Variants in PDE3A observed in about 807,000 individuals in gnomAD.
PDE3A encodes phosphodiesterase 3A, also known as cGMP-inhibited 3',5'-cyclic phosphodiesterase 3A.
PDE3A carries 43 observed loss-of-function variants against 98.3 expected under a neutral mutation model. The ratio of observed to expected loss-of-function variants is 0.44; its 90% CI spans 0.34 to 0.56. The LOEUF (loss-of-function observed/expected upper bound fraction) is 0.56. Ranked by LOEUF, PDE3A falls within the 20% of genes least tolerant of loss-of-function variation. The probability of loss-of-function intolerance (pLI) is 0.01; values close to 1 mark genes in which losing one functional copy is unlikely to be tolerated. For synonymous variants in PDE3A, 663 were observed against 567.9 expected (o/e 1.17, Z -2.38); for missense variants, 1,427 against 1,440.7 (o/e 0.99, Z 0.15).
chr12:20,449,991 A>G (rs1945035963), intron 1 of PDE3A: 2 of 709,904 alleles, frequency 2.8e-6, no homozygotes, highest in Admixed American at 2.0e-5. Flanking sequence ...GCCCTTGCCA[A>G]GTCAATAAAT....
chr12:20,576,477 C>G lies in PDE3A; in HGVS notation c.1011+19767C>G, dbSNP rs1942934666. Among the ~76,000 whole-genome samples, 3 of 152,000 alleles carry G rather than the reference C, an allele frequency of 2.0e-5. No individual in the cohort carries two copies. The East Asian group carries it at 5.8e-4, about 29-fold the overall frequency. On this transcript the variant is annotated intron_variant, in intron 2 of 15. Coordinates refer to ENST00000359062, the MANE Select transcript of PDE3A (RefSeq NM_000921.5). ...TGAACATCCTGAAATAAAGACAGTA[C>G]TATATACAACTAATTAAAAACAGAG...
chr12:20,618,983 G>A (rs1185231434), intron 4 of PDE3A, among the ~76,000 whole-genome samples: 1 of 151,988 alleles, frequency 6.6e-6, no homozygotes, highest in Non-Finnish European at 1.5e-5. Flanking sequence ...CCTCTGCTGT[G>A]CCAGCATGAG....
chr12:20,491,151 A>T (rs889771647), intron 1 of PDE3A, among the ~76,000 whole-genome samples: 1 of 152,226 alleles, frequency 6.6e-6, no homozygotes, highest in East Asian at 1.9e-4. Flanking sequence ...TGTTACCAAC[A>T]AAGCAATTTC....
At chr12:20,574,671 C>T (rs1475380691) in intron 2 of PDE3A, among the ~76,000 whole-genome samples, 1 of 151,978 alleles carries the variant, frequency 6.6e-6, no homozygotes, top group Non-Finnish European at 1.5e-5. Context: ...TACAAGTATG[C>T]TCAGCATGAT....
intron 1 of PDE3A, among the ~76,000 whole-genome samples, chr12:20,444,916 T>C (rs765930595): frequency 6.6e-6 from 1 of 152,210 alleles, no homozygotes; most frequent in African/African-American, 2.4e-5. Flanking sequence ...AATCAGTTTG[T>C]GTTCCATTAA....
At chr12:20,568,533 G>A (rs917356477) in intron 2 of PDE3A, among the ~76,000 whole-genome samples, 1 of 151,900 alleles carries the variant, frequency 6.6e-6, no homozygotes, top group Non-Finnish European at 1.5e-5. Flanking sequence ...ATAGCTAGAA[G>A]CATAGGAGAG....
At chr12:20,443,278 A>G (rs969135766) in intron 1 of PDE3A, among the ~76,000 whole-genome samples, 2 of 152,140 alleles carry the variant, frequency 1.3e-5, no homozygotes, top group African/African-American at 4.8e-5. Flanking sequence ...TGTCCTATCT[A>G]TGGATATTGA....
chr12:20,371,374 T>G (rs527862962), intron 1 of PDE3A: 1 of 985,178 alleles, frequency 1.0e-6, no homozygotes, highest in African/African-American at 1.7e-5. Context: ...AGGAGCTGGT[T>G]GGATACAGCA....
At chr12:20,673,235 C>T (rs916908046) in intron 15 of PDE3A, among the ~76,000 whole-genome samples, 2 of 151,948 alleles carry the variant, frequency 1.3e-5, no homozygotes, top group African/African-American at 4.8e-5. Context: ...AATAGGAACA[C>T]TTTTACACTG....
intron 10 of PDE3A, 83 bp from the exon 11 acceptor site, chr12:20,646,407 A>G (rs1944777952): frequency 7.7e-6 from 6 of 779,986 alleles, no homozygotes; most frequent in Admixed American, 1.9e-5. Flanking sequence ...TTAGGACTAA[A>G]CTGTTTGTCC....
chr12:20,523,216 G>A (rs1946461302), intron 1 of PDE3A, among the ~76,000 whole-genome samples: 1 of 152,138 alleles, frequency 6.6e-6, no homozygotes, highest in Non-Finnish European at 1.5e-5. Flanking sequence ...CCATGTTTCT[G>A]TTTCGGAGTC....
At chr12:20,488,557 A>T (rs1177693580) in intron 1 of PDE3A, among the ~76,000 whole-genome samples, 1 of 152,118 alleles carries the variant, frequency 6.6e-6, no homozygotes, top group African/African-American at 2.4e-5. Context: ...CAGCTGGTGC[A>T]ATGGCTTACA....
At chr12:20,560,531 G>A (rs1413248787) in intron 2 of PDE3A, among the ~76,000 whole-genome samples, 1 of 152,182 alleles carries the variant, frequency 6.6e-6, no homozygotes. Context: ...GTGGAAAGAA[G>A]AATATAGAAG....
At chr12:20,650,418 C>T (rs1555106434) in intron 13 of PDE3A, 27 bp from the exon 14 acceptor site, 2 of 1,525,378 alleles carry the variant, frequency 1.3e-6, no homozygotes, top group Admixed American at 1.9e-5. Flanking sequence ...CAAAGCAAAA[C>T]ATATATTAAC....
chr12:20,489,414 CAG>C (rs1945790792), intron 1 of PDE3A, among the ~76,000 whole-genome samples: 1 of 152,082 alleles, frequency 6.6e-6, no homozygotes, highest in South Asian at 2.1e-4. Context: ...TTCTTTATGC[CAG>C]AGTCTTATTA....
At position 20,397,426 on chromosome 12, in the gene PDE3A, G is replaced by T. The variant is rs527294254; in HGVS notation, c.960+27182G>T. ...TTTGAGCCCTTTTGGTACCTATAAA[G>T]ATACATATAAAGAATTATACTTATG... On this transcript the variant is annotated intron_variant, in intron 1 of 15. Coordinates refer to ENST00000359062, the MANE Select transcript of PDE3A (RefSeq NM_000921.5). Among the ~76,000 whole-genome samples, 11 of 152,010 alleles carry T rather than the reference G, an allele frequency of 7.2e-5. No individual in the cohort carries two copies. The East Asian group carries it at 1.7e-3, about 24-fold the overall frequency.
In PDE3A at chr12:20,645,018, A is replaced by G. The variant is rs568096030; in HGVS notation, c.2252-1472A>G. On this transcript the variant is annotated intron_variant, in intron 10 of 15. Coordinates refer to ENST00000359062, the MANE Select transcript of PDE3A (RefSeq NM_000921.5). ...ATTCTCCTGCCTCAGCCTCCCGAGT[A>G]GCTGGGATTACAGGTGCCCACCACC... Among the ~76,000 whole-genome samples, 377 of 151,698 alleles carry G rather than the reference A, an allele frequency of 2.5e-3. 3 individuals are homozygous for G. Among genetic ancestry groups the G allele is most frequent in the African/African-American group, 8.7e-3 (359 of 41,346 alleles).
intron 14 of PDE3A, among the ~76,000 whole-genome samples, chr12:20,652,102 C>T (rs1182420546): frequency 2.0e-5 from 3 of 152,150 alleles, no homozygotes; most frequent in Non-Finnish European, 4.4e-5. Flanking sequence ...ATGAACTCAT[C>T]CTTTTTTATG....
chr12:20,386,144 T>TATATATAAATATATAACA (rs1943785786), intron 1 of PDE3A, among the ~76,000 whole-genome samples: 3 of 26,498 alleles, frequency 1.1e-4, no homozygotes, highest in African/African-American at 4.1e-4. Context: ...TATATATAAA[T>TATATATAAATATATAACA]ATATATATAA....
Sources: gnomAD v4.1 joint callset for allele counts (sites outside exome capture counted in the v4.1 genomes callset) on GRCh38, gnomAD v4.1.1 for gene constraint, MANE v1.5 for transcripts, NCBI Gene and HGNC (gene_info 2026-07-23, HGNC 2026-07-21) for gene names.